ERCC3: variants seen among roughly 807,000 people sequenced by gnomAD.
The protein encoded by ERCC3 is ERCC excision repair 3, TFIIH core complex helicase subunit.
A neutral mutation model predicts 94.2 loss-of-function variants in ERCC3; 66 were observed. That is an observed-to-expected ratio of 0.70 (90% CI 0.57 to 0.86). The LOEUF (loss-of-function observed/expected upper bound fraction) is 0.86. Ranked by LOEUF, ERCC3 falls within the 40% of genes least tolerant of loss-of-function variation. ERCC3 has a pLI of 0.00. For synonymous variants in ERCC3, 349 were observed against 369.1 expected, an observed-to-expected ratio of 0.95 and a Z score of 0.63; for missense variants, 829 against 987.1, an observed-to-expected ratio of 0.84 and a Z score of 2.15.
In ERCC3 at chr2:127,279,275, G is replaced by A. The variant is rs752934885; in HGVS notation, c.1628C>T (p.Ala543Val). The A allele has an allele frequency of 2.5e-6, 4 of 1,613,368 alleles. No individual in the cohort carries two copies. Among genetic ancestry groups the A allele is most frequent in the African/African-American group, 2.7e-5 (2 of 74,904 alleles). Residue 543 changes from alanine (A) to valine (V), a missense_variant, in exon 10 of 15, where the codon GCT becomes GTT. Transcript: ENST00000285398. The surrounding 1 kb of genome is among the most constrained non-coding windows in gnomAD (Gnocchi z 4.7). Reference protein sequence around the residue: ...LYTMNPNKFRACQFLIKFHER... With the variant: ...LYTMNPNKFRVCQFLIKFHER... ...ATGAAACTTGATCAGAAACTGGCAA[G>A]CTCTAAATTTGTTGGGGTTCATGGT...
At chr2:127,283,943 T>C (rs1333278395) in intron 8 of ERCC3, among the ~76,000 whole-genome samples, 15 of 152,232 alleles carry the variant, frequency 9.9e-5, no homozygotes. Context: ...GAAACTCAAA[T>C]TCACACATCT....
At chr2:127,289,986 G>A (rs960859474) in intron 4 of ERCC3, 162 bp from the exon 5 acceptor site, 2 of 919,068 alleles carry the variant, frequency 2.2e-6, no homozygotes, top group Non-Finnish European at 3.4e-6. Flanking sequence ...TTTAACATAT[G>A]AGGGTTGTGA....
chr2:127,292,206 T>C, intron 3 of ERCC3: 1 of 337,918 alleles, frequency 3.0e-6, no homozygotes. Context: ...ACATTACCAT[T>C]GGATATTAGG....
intron 12 of ERCC3, among the ~76,000 whole-genome samples, chr2:127,267,391 T>C (rs1684407516): frequency 6.6e-6 from 1 of 152,172 alleles, no homozygotes; most frequent in Non-Finnish European, 1.5e-5. Flanking sequence ...TTAAAGTCTC[T>C]TTTATCTGAT....
chr2:127,271,345 C>T lies in ERCC3; in HGVS notation c.1936G>A (p.Ala646Thr). The T allele has an allele frequency of 6.2e-7, 1 of 1,612,946 alleles. No individual in the cohort carries two copies. Among genetic ancestry groups the T allele is most frequent in the Non-Finnish European group, 8.5e-7 (1 of 1,178,920 alleles). Residue 646 changes from alanine to threonine, a missense_variant, in exon 12 of 15, where the codon GCT becomes ACT. By Grantham distance (58) the Ala-to-Thr change is moderately conservative. Transcript: ENST00000285398. The surrounding 1 kb of genome is among the most constrained non-coding windows in gnomAD (Gnocchi z 5.0). ...TGAAAGGCCACTTTACCTTTTTTAGCTCGAAGCACCCGCCCTAGCCTTTGG... is the reference window on the plus strand; with the variant it reads ...TGAAAGGCCACTTTACCTTTTTTAGTTCGAAGCACCCGCCCTAGCCTTTGG... ...EAQRLGRVLR[A>T]KKGMVAEEYN...
At chr2:127,289,528 G>C (rs371665290) in intron 5 of ERCC3, 27 bp from the exon 6 acceptor site, 4 of 1,611,622 alleles carry the variant, frequency 2.5e-6, no homozygotes, top group South Asian at 1.1e-5. Flanking sequence ...TGCTGAACGT[G>C]CACACAACAT....
chr2:127,271,129 C>T lies in ERCC3; in HGVS notation c.1945+207G>A, dbSNP rs1049597855. ...GCACATCTGTGTGGATTCCGTGACA[C>T]TGTCATGGAAAACACCTGCATATTC... is the stretch of plus-strand genomic sequence containing the variant. On this transcript the variant is annotated intron_variant, in intron 12 of 14. Transcript: ENST00000285398. The surrounding 1 kb of genome is among the most constrained non-coding windows in gnomAD (Gnocchi z 5.0). Among the ~76,000 whole-genome samples, 2 of 152,200 alleles carry T rather than the reference C, an allele frequency of 1.3e-5. No homozygotes were observed. The highest frequency in any genetic ancestry group is 2.4e-5 in the African/African-American group (1 of 41,434).
rs1320521089 is a variant in ERCC3, at chr2:127,288,866, T to C, written c.823-2A>G. On this transcript the variant is annotated splice_acceptor_variant, in intron 6 of 14. Coordinates refer to ENST00000285398, the MANE Select transcript of ERCC3 (RefSeq NM_000122.2). LOFTEE classifies it high-confidence loss of function. The stretch of plus-strand genomic sequence containing the variant: ...TTTCTGGAGTTCCTCAATCATTTCC[T>C]GGAAAGAGGGCACAAAAGGGGTTTT... 1.2e-6 allele frequency: 2 copies of C among 1,611,876 alleles called. No individual in the cohort carries two copies. Among genetic ancestry groups the C allele is most frequent in the Non-Finnish European group, 8.5e-7 (1 of 1,178,394 alleles).
chr2:127,268,752 T>C (rs1032296948), intron 12 of ERCC3, among the ~76,000 whole-genome samples: 6 of 152,204 alleles, frequency 3.9e-5, no homozygotes, highest in South Asian at 2.1e-4. Flanking sequence ...GGGATGATCA[T>C]CTTGTACAGC....
intron 6 of ERCC3, among the ~76,000 whole-genome samples, chr2:127,289,122 A>G (rs1214300207): frequency 2.6e-5 from 4 of 152,210 alleles, no homozygotes; most frequent in African/African-American, 4.8e-5. Context: ...ACCTGTGAAG[A>G]CCAGCCTACC....
At chr2:127,261,017 G>A (rs1684173904) in intron 13 of ERCC3, 1 of 582,752 alleles carries the variant, frequency 1.7e-6, no homozygotes. Context: ...TGGTCATAGT[G>A]CCATGGCACC....
chr2:127,292,533 G>T, intron 3 of ERCC3, 77 bp downstream of exon 3: 2 of 961,100 alleles, frequency 2.1e-6, no homozygotes, highest in Non-Finnish European at 1.7e-6. Flanking sequence ...GCTGCCACAG[G>T]CTGACAACAT....
intron 12 of ERCC3, among the ~76,000 whole-genome samples, chr2:127,263,358 T>C (rs180817133): frequency 6.6e-6 from 1 of 152,354 alleles, no homozygotes; most frequent in East Asian, 1.9e-4. Flanking sequence ...TAGTTATTCC[T>C]AGGTTTTGTC....
Position 127,289,387 on chromosome 2 carries a change from C to T in ERCC3, c.772G>A (p.Asp258Asn). Residue 258 changes from aspartate (D) to asparagine (N), a missense_variant, in exon 6 of 15, where the codon GAT becomes AAT. By Grantham distance (23) the Asp-to-Asn change is conservative. Coordinates refer to ENST00000285398, the MANE Select transcript of ERCC3 (RefSeq NM_000122.2). ...TGTGTCTCTTCTTCTTCTTCTTCAT[C>T]CTTGTCCATTTGCTCATAGAAGTCA... ...LFDFYEQMDK[D>N]EEEEEETQTV... is the part of the protein sequence containing the mutation. The T allele has an allele frequency of 6.2e-7, 1 of 1,613,660 alleles. No homozygotes were observed.
In ERCC3 at chr2:127,279,653, G is replaced by A. The variant is rs1162586105; in HGVS notation, c.1528-278C>T. ...AGTGCATGTCTGTAATTCCAGCTAC[G>A]CAGGAGGCTAAGGCAGGAGAATCAC... On this transcript the variant is annotated intron_variant, in intron 9 of 14. Coordinates refer to ENST00000285398, the MANE Select transcript of ERCC3 (RefSeq NM_000122.2). The surrounding 1 kb of genome is among the most constrained non-coding windows in gnomAD (Gnocchi z 4.7). Among the ~76,000 whole-genome samples the A allele has an allele frequency of 3.3e-5, 5 of 151,978 alleles. No homozygotes were observed. Among genetic ancestry groups the A allele is most frequent in the South Asian group, 2.1e-4 (1 of 4,814 alleles).
chr2:127,273,842 T>C (rs564203097), intron 10 of ERCC3, among the ~76,000 whole-genome samples: 17 of 150,984 alleles, frequency 1.1e-4, no homozygotes, highest in African/African-American at 2.7e-4. Flanking sequence ...TCCCATAGCA[T>C]TGGGAATGTC....
At chr2:127,286,566 T>C (rs1041979678) in intron 8 of ERCC3, 137 bp downstream of exon 8, 1 of 812,526 alleles carries the variant, frequency 1.2e-6, no homozygotes, top group Non-Finnish European at 2.1e-6. Context: ...AAAAGAACTA[T>C]TAAAAGCTTT....
chr2:127,282,602 C>T (rs1285688704), intron 8 of ERCC3, among the ~76,000 whole-genome samples: 8 of 152,188 alleles, frequency 5.3e-5, no homozygotes, highest in Admixed American at 3.3e-4. Flanking sequence ...CCACCTAACC[C>T]AACACAGCAG....
intron 12 of ERCC3, among the ~76,000 whole-genome samples, chr2:127,269,490 C>G (rs1004347084): frequency 6.8e-6 from 1 of 146,162 alleles, no homozygotes; most frequent in Non-Finnish European, 1.5e-5. Context: ...GGCGCAATCT[C>G]GGCTCACTGT....
Sources: gnomAD v4.1 joint callset for allele counts (sites outside exome capture counted in the v4.1 genomes callset) on GRCh38, gnomAD v4.1.1 for gene constraint, Gnocchi (gnomAD v3.1) non-coding constraint, MANE v1.5 for transcripts, NCBI Gene and HGNC (gene_info 2026-07-23, HGNC 2026-07-21) for gene names.